Variants in EPHA6 observed in about 807,000 individuals in gnomAD.
EPHA6 encodes EPH receptor A6.
A neutral mutation model predicts 112.0 loss-of-function variants in EPHA6; 50 were observed. The observed-to-expected ratio is 0.45, with a 90% CI of 0.36 to 0.56. EPHA6 has a LOEUF of 0.56. Among genes scored for constraint, EPHA6 ranks in the 20% least tolerant of loss-of-function variants. EPHA6 has a pLI of 0.00. For missense variants in EPHA6, 1,280 were observed against 1,417.4 expected (o/e 0.90, Z 1.56); for synonymous variants, 529 against 490.7 (o/e 1.08, Z -1.03).
intron 5 of EPHA6, among the ~76,000 whole-genome samples, chr3:97,290,828 C>T (rs2080655466): frequency 6.6e-6 from 1 of 150,950 alleles, no homozygotes; most frequent in Non-Finnish European, 1.5e-5. Context: ...TTTTTTTAAA[C>T]AAAAAAATAA....
intron 3 of EPHA6, among the ~76,000 whole-genome samples, chr3:97,150,538 C>T (rs893264157): frequency 6.6e-6 from 1 of 151,968 alleles, no homozygotes; most frequent in Non-Finnish European, 1.5e-5. Context: ...TTCCTCAGTC[C>T]ACTAAGTATG....
chr3:97,699,911 A>G (rs142023986), intron 14 of EPHA6, among the ~76,000 whole-genome samples: 3 of 152,344 alleles, frequency 2.0e-5, no homozygotes, highest in Non-Finnish European at 2.9e-5. Flanking sequence ...AGAAATATTG[A>G]TTATTTGGCA....
At chr3:97,135,555 T>C (rs1173926926) in intron 3 of EPHA6, among the ~76,000 whole-genome samples, 1 of 151,766 alleles carries the variant, frequency 6.6e-6, no homozygotes, top group South Asian at 2.1e-4. Context: ...ATTGTAAGAG[T>C]CTATTAGAGC....
chr3:97,448,686 A>G lies in EPHA6; in HGVS notation c.1850A>G (p.Tyr617Cys). The change falls in exon 7 of 18, where the codon TAC (tyrosine) becomes TGC (cysteine). Residue 617 changes from tyrosine to cysteine, a missense_variant. Tyr to Cys is a radical substitution (Grantham distance 194). Around this residue, in one of 4 missense-constraint regions of EPHA6, gnomAD observed 878 missense variants for 999.7 expected, o/e 0.88. Transcript: ENST00000389672. ...FHIRVRTATGYSGYSQKFEFE... is the reference protein window; with the variant it reads ...FHIRVRTATGCSGYSQKFEFE... Reference sequence around the variant, plus strand: ...ATCCGAGTGAGAACTGCGACAGGATACAGTGGCTACAGTCAGAAATTTGAA... The same window carrying G: ...ATCCGAGTGAGAACTGCGACAGGATGCAGTGGCTACAGTCAGAAATTTGAA... 1 of 1,613,540 alleles carries G rather than the reference A, an allele frequency of 6.2e-7. No homozygotes were observed. The highest frequency in any genetic ancestry group is 8.5e-7 in the Non-Finnish European group (1 of 1,179,542).
intron 3 of EPHA6, among the ~76,000 whole-genome samples, chr3:97,112,500 G>A (rs1204023652): frequency 2.0e-5 from 3 of 152,088 alleles, no homozygotes; most frequent in African/African-American, 7.2e-5. Context: ...TATTTTTCTA[G>A]AGTTTACTTA....
At chr3:97,705,848 A>T (rs1371073025) in intron 14 of EPHA6, among the ~76,000 whole-genome samples, 1 of 152,204 alleles carries the variant, frequency 6.6e-6, no homozygotes, top group African/African-American at 2.4e-5. Context: ...TTTGAAGATG[A>T]TATAAATTAT....
chr3:97,057,712 A>C (rs984601402), intron 3 of EPHA6, among the ~76,000 whole-genome samples: 14 of 152,238 alleles, frequency 9.2e-5, no homozygotes, highest in African/African-American at 3.4e-4. Flanking sequence ...TAATATGTAT[A>C]TAAGAGTGGG....
At chr3:97,424,328 A>G (rs925499332) in intron 6 of EPHA6, among the ~76,000 whole-genome samples, 9 of 152,120 alleles carry the variant, frequency 5.9e-5, no homozygotes, top group Non-Finnish European at 1.2e-4. Flanking sequence ...CAGCCAAACC[A>G]TATCTTTTCA....
chr3:97,126,305 G>A (rs1345875975), intron 3 of EPHA6, among the ~76,000 whole-genome samples: 1 of 152,178 alleles, frequency 6.6e-6, no homozygotes, highest in Non-Finnish European at 1.5e-5. Flanking sequence ...TGCACTGGCA[G>A]CTTGGAGCAC....
At chr3:97,243,046 G>C (rs569345583) in intron 4 of EPHA6, among the ~76,000 whole-genome samples, 1 of 151,838 alleles carries the variant, frequency 6.6e-6, no homozygotes, top group East Asian at 1.9e-4. Context: ...TAAGTATATA[G>C]GATTATTCAC....
At chr3:97,355,447 T>C (rs531037085) in intron 5 of EPHA6, among the ~76,000 whole-genome samples, 16 of 152,318 alleles carry the variant, frequency 1.1e-4, no homozygotes, top group African/African-American at 3.8e-4. Flanking sequence ...ATCAGGGTTA[T>C]GTTGTCATCA....
chr3:96,981,275 G>A (rs1347554039), intron 2 of EPHA6, among the ~76,000 whole-genome samples: 2 of 152,076 alleles, frequency 1.3e-5, no homozygotes, highest in African/African-American at 2.4e-5. Flanking sequence ...GTTGAATTTT[G>A]TCAAAGGCCT....
chr3:97,394,440 A>C (rs2086589428), intron 5 of EPHA6, among the ~76,000 whole-genome samples: 1 of 151,882 alleles, frequency 6.6e-6, no homozygotes, highest in African/African-American at 2.4e-5. Flanking sequence ...TCAAACTATA[A>C]AGCTCTGCAC....
At chr3:97,358,937 C>T (rs2084222175) in intron 5 of EPHA6, among the ~76,000 whole-genome samples, 2 of 151,766 alleles carry the variant, frequency 1.3e-5, no homozygotes, top group South Asian at 4.1e-4. Context: ...TTGAGAATAA[C>T]TTCAATATGA....
intron 6 of EPHA6, among the ~76,000 whole-genome samples, chr3:97,433,887 A>C (rs140409691): frequency 6.6e-6 from 1 of 152,092 alleles, no homozygotes; most frequent in Non-Finnish European, 1.5e-5. Flanking sequence ...GAGAACAGTC[A>C]TCAGATGGTT....
intron 7 of EPHA6, among the ~76,000 whole-genome samples, chr3:97,469,850 T>C (rs1027189498): frequency 4.0e-5 from 6 of 151,650 alleles, no homozygotes; most frequent in Non-Finnish European, 7.4e-5. Context: ...GGCAACCTAA[T>C]AGCAAATGAT....
intron 2 of EPHA6, among the ~76,000 whole-genome samples, chr3:96,945,496 G>C (rs2041206271): frequency 6.6e-6 from 1 of 152,198 alleles, no homozygotes; most frequent in Non-Finnish European, 1.5e-5. Context: ...TATGTTGCAT[G>C]TGTTACTAAC....
At chr3:96,876,642 T>C (rs1308868665) in intron 2 of EPHA6, among the ~76,000 whole-genome samples, 2 of 152,148 alleles carry the variant, frequency 1.3e-5, no homozygotes, top group Non-Finnish European at 1.5e-5. Context: ...CATTCCCTGA[T>C]CTTCAGCCAC....
At chr3:97,738,648 A>G (rs2035374096) in intron 16 of EPHA6, among the ~76,000 whole-genome samples, 1 of 152,048 alleles carries the variant, frequency 6.6e-6, no homozygotes, top group South Asian at 2.1e-4. Context: ...CTGTTCAGCA[A>G]TCCAGCAGAA....
Sources: gnomAD v4.1 joint callset for allele counts (sites outside exome capture counted in the v4.1 genomes callset) on GRCh38, gnomAD v4.1.1 for gene constraint, gnomAD v4.1.1 regional missense constraint, MANE v1.5 for transcripts, NCBI Gene and HGNC (gene_info 2026-07-23, HGNC 2026-07-21) for gene names.